The following IL27RA variants were observed in gnomAD, a reference collection of about 807,000 sequenced individuals.
The protein encoded by IL27RA is interleukin 27 receptor subunit alpha.
A neutral mutation model predicts 80.8 loss-of-function variants in IL27RA; 61 were observed. That is an observed-to-expected ratio of 0.76 (90% CI 0.61 to 0.93). The LOEUF (loss-of-function observed/expected upper bound fraction) is 0.93. IL27RA is among the 40% of genes least tolerant of loss of function. The pLI, the probability that IL27RA is intolerant of heterozygous loss-of-function variation, is 0.00. For synonymous variants in IL27RA, 316 were observed against 332.5 expected, an observed-to-expected ratio of 0.95 and a Z score of 0.54; for missense variants, 735 against 808.1, an observed-to-expected ratio of 0.91 and a Z score of 1.10.
At chr19:14,040,983 A>G (rs1975982448) in intron 4 of IL27RA, among the ~76,000 whole-genome samples, 1 of 149,274 alleles carries the variant, frequency 6.7e-6, no homozygotes, top group African/African-American at 2.5e-5. Context: ...GGCTCACTGT[A>G]ACCTCCACCA....
Position 14,031,888 on chromosome 19 carries a change from G to C in IL27RA, c.16G>C (p.Gly6Arg). The C allele has an allele frequency of 6.2e-7, 1 of 1,602,778 alleles. No individual in the cohort carries two copies. The highest frequency in any genetic ancestry group is 8.5e-7 in the Non-Finnish European group (1 of 1,175,524). The change falls in exon 1 of 14, where the codon GGC becomes CGC. Residue 6 changes from glycine to arginine, a missense_variant. Physicochemically the swap from Gly to Arg is moderately radical, Grantham distance 125. Transcript: ENST00000263379. MRGGR[G>R]APFWLWPLPK... ...GAGGGACGCCATGCGGGGAGGCAGG[G>C]GCGCCCCTTTCTGGCTGTGGCCGCT...
In IL27RA at chr19:14,046,208, C is replaced by G; in HGVS notation, c.823C>G (p.Arg275Gly). Residue 275 changes from arginine to glycine, a missense_variant, in exon 7 of 14, where the codon CGT becomes GGT. Arg to Gly is a moderately radical substitution (Grantham distance 125). Transcript: ENST00000263379. Reference protein sequence around the residue: ...SYKVWFWVGGRELSPEGITCC... With the variant: ...SYKVWFWVGGGELSPEGITCC... ...CAAAGTCTGGTTCTGGGTTGGAGGT[C>G]GTGAGCTGAGTCCAGAAGGAATTAC... The G allele has an allele frequency of 1.9e-6, 3 of 1,614,172 alleles. No individual in the cohort carries two copies. The highest frequency in any genetic ancestry group is 1.3e-5 in the African/African-American group (1 of 75,036).
intron 5 of IL27RA, 31 bp downstream of exon 5, chr19:14,042,643 C>T (rs375840149): frequency 2.2e-5 from 35 of 1,613,974 alleles, no homozygotes; most frequent in African/African-American, 1.6e-4. Flanking sequence ...CCTCAATCCA[C>T]GCCCCTCCCA....
chr19:14,046,447 C>T lies in IL27RA; in HGVS notation c.970C>T (p.Arg324Cys), dbSNP rs1366170821. The T allele has an allele frequency of 4.8e-5, 78 of 1,614,048 alleles. No individual in the cohort carries two copies. Among genetic ancestry groups the T allele is most frequent in the East Asian group, 6.7e-5 (3 of 44,878 alleles). ...CCCTCCAGATTCAGCCTCTGCCCCC[C>T]GTAGCGTGGCAGTCAGCAGCATCGC... ...LVCLDSASAP[R>C]SVAVSSIAGS... The change falls in exon 8 of 14, where the codon CGT becomes TGT. Residue 324 changes from arginine to cysteine, a missense_variant. By Grantham distance (180) the Arg-to-Cys change is radical. Transcript: ENST00000263379.
At position 14,046,444 on chromosome 19, in the gene IL27RA, C is replaced by G. The variant is rs1317497311; in HGVS notation, c.967C>G (p.Pro323Ala). The change falls in exon 8 of 14, where the codon CCC (proline) becomes GCC (alanine). Residue 323 changes from proline (P) to alanine (A), a missense_variant. Transcript: ENST00000263379. ...SLVCLDSASA[P>A]RSVAVSSIAG... ...CCACCCTCCAGATTCAGCCTCTGCC[C>G]CCCGTAGCGTGGCAGTCAGCAGCAT... The G allele has an allele frequency of 6.2e-7, 1 of 1,614,014 alleles. No individual in the cohort carries two copies. The highest frequency in any genetic ancestry group is 1.3e-5 in the African/African-American group (1 of 74,908).
chr19:14,037,507 G>A (rs1038652096), intron 2 of IL27RA, among the ~76,000 whole-genome samples: 8 of 151,820 alleles, frequency 5.3e-5, no homozygotes, highest in Non-Finnish European at 7.4e-5. Context: ...CGCCTGCCTC[G>A]GCCTCCCAAA....
chr19:14,049,090 T>A lies in IL27RA; in HGVS notation c.1243+8T>A. The A allele has an allele frequency of 6.2e-7, 1 of 1,612,930 alleles. No homozygotes were observed. The highest frequency in any genetic ancestry group is 1.1e-5 in the South Asian group (1 of 90,962). On this transcript the variant is annotated splice_region_variant and intron_variant, in intron 9 of 13. Coordinates refer to ENST00000263379, the MANE Select transcript of IL27RA (RefSeq NM_004843.4). ...GGTTCAGGGAGGAATTAGGTAAGAGTGGGGCTGGAGGATGGGGGGGCTTCT... is the reference window on the plus strand; with the variant it reads ...GGTTCAGGGAGGAATTAGGTAAGAGAGGGGCTGGAGGATGGGGGGGCTTCT...
chr19:14,032,591 C>A, intron 2 of IL27RA, 88 bp downstream of exon 2: 42 of 499,770 alleles, frequency 8.4e-5, no homozygotes, highest in Middle Eastern at 3.6e-4. Context: ...TTCCAGGAGT[C>A]AAGCCTGGCC....
chr19:14,043,680 T>C (rs1281467992), intron 6 of IL27RA, among the ~76,000 whole-genome samples: 1 of 151,388 alleles, frequency 6.6e-6, no homozygotes, highest in African/African-American at 2.4e-5. Flanking sequence ...CACCTCGGCC[T>C]CCCAAAGTGC....
intron 8 of IL27RA, among the ~76,000 whole-genome samples, chr19:14,048,364 C>T (rs1346019686): frequency 1.3e-5 from 2 of 152,082 alleles, no homozygotes; most frequent in Admixed American, 6.6e-5. Flanking sequence ...TCCCAAGACC[C>T]ACAAGGATAT....
chr19:14,038,962 G>C (rs1225184682), intron 2 of IL27RA, among the ~76,000 whole-genome samples: 7 of 151,246 alleles, frequency 4.6e-5, no homozygotes, highest in Non-Finnish European at 1.0e-4. Flanking sequence ...GAGAGGAAGG[G>C]AAGGAAAGAA....
At chr19:14,032,364 G>A (rs750879898) in intron 1 of IL27RA, 22 bp from the exon 2 acceptor site, 22 of 1,588,776 alleles carry the variant, frequency 1.4e-5, no homozygotes, top group Non-Finnish European at 1.8e-5. Flanking sequence ...CCTTTCCTGA[G>A]ACCCTCTGAC....
rs772456000 is a variant in IL27RA, at chr19:14,049,315, G to A, written c.1402+1G>A. On this transcript the variant is annotated splice_donor_variant, in intron 10 of 13. Coordinates refer to ENST00000263379, the MANE Select transcript of IL27RA (RefSeq NM_004843.4). LOFTEE classifies it high-confidence loss of function. ...ACCAGCCCCTCCGTCTGCATGAATG[G>A]TGAGCTTCCCTGCCTGCTGACCTGT... is the stretch of plus-strand genomic sequence containing the variant. 2 of 1,611,998 alleles carry A rather than the reference G, an allele frequency of 1.2e-6. No homozygotes were observed. Among genetic ancestry groups the A allele is most frequent in the Admixed American group, 3.3e-5 (2 of 59,926 alleles).
Position 14,043,008 on chromosome 19 carries a change from C to G in IL27RA, c.768+219C>G, listed in dbSNP as rs2420413. Among the ~76,000 whole-genome samples the G allele has an allele frequency of 0.33, 49,859 of 151,324 alleles. 10,573 individuals are homozygous for G. Among genetic ancestry groups the G allele is most frequent in the African/African-American group, 0.6 (24,666 of 41,086 alleles). On this transcript the variant is annotated intron_variant, in intron 6 of 13. Transcript: ENST00000263379. ...AATACAAAACTTCACGGGGAGTGGT[C>G]GTGGGCGCCTGTAATCCCAGCTACT...
At chr19:14,045,558 G>A (rs987534326) in intron 6 of IL27RA, among the ~76,000 whole-genome samples, 4 of 149,388 alleles carry the variant, frequency 2.7e-5, no homozygotes, top group East Asian at 3.9e-4. Flanking sequence ...CCGAGATGGC[G>A]CCACTGCACT....
Position 14,050,881 on chromosome 19 carries a change from C to A in IL27RA, c.1526C>A (p.Pro509Gln). Residue 509 changes from proline to glutamine, a missense_variant and splice_region_variant, in exon 11 of 14, where the codon CCA (proline) becomes CAA (glutamine). Physicochemically the swap from Pro to Gln is moderately conservative, Grantham distance 76. Coordinates refer to ENST00000263379, the MANE Select transcript of IL27RA (RefSeq NM_004843.4). ...PPGPILRLHL[P>Q]DNTLRWKVLP... The stretch of plus-strand genomic sequence containing the variant: ...GGTCCCATCCTCCGGCTTCATCTAC[C>A]AGGTAGGGGGGTTGGGATGGGATTG... The A allele has an allele frequency of 6.2e-7, 1 of 1,606,480 alleles. No homozygotes were observed. Among genetic ancestry groups the A allele is most frequent in the East Asian group, 2.2e-5 (1 of 44,652 alleles).
intron 10 of IL27RA, among the ~76,000 whole-genome samples, 154 bp from the exon 11 acceptor site, chr19:14,050,604 G>A (rs963352718): frequency 5.3e-5 from 8 of 152,046 alleles, no homozygotes; most frequent in African/African-American, 1.7e-4. Flanking sequence ...AAAGCCTCAC[G>A]GAAGAGGTGA....
intron 2 of IL27RA, among the ~76,000 whole-genome samples, chr19:14,033,741 C>T (rs992632566): frequency 4.0e-5 from 6 of 151,840 alleles, no homozygotes; most frequent in Non-Finnish European, 8.8e-5. Flanking sequence ...CCGAGGCGGG[C>T]AGATCACGAG....
At position 14,046,583 on chromosome 19, in the gene IL27RA, G is replaced by A. The variant is rs1223154660; in HGVS notation, c.1106G>A (p.Arg369Gln). Residue 369 changes from arginine to glutamine, a missense_variant, in exon 8 of 14, where the codon CGG becomes CAG. Arg to Gln is a conservative substitution (Grantham distance 43). Coordinates refer to ENST00000263379, the MANE Select transcript of IL27RA (RefSeq NM_004843.4). Reference sequence around the variant, plus strand: ...CCCCTGGAGAAACTCAACTGGGTCCGGCTTCCCCCTGGGAACCTCAGTGCT... The same window carrying A: ...CCCCTGGAGAAACTCAACTGGGTCCAGCTTCCCCCTGGGAACCTCAGTGCT... ...GDPLEKLNWV[R>Q]LPPGNLSALL... 8.1e-6 allele frequency: 13 copies of A among 1,612,124 alleles called. No homozygotes were observed. The highest frequency in any genetic ancestry group is 2.2e-5 in the East Asian group (1 of 44,888).
Sources: gnomAD v4.1 joint callset for allele counts (sites outside exome capture counted in the v4.1 genomes callset) on GRCh38, gnomAD v4.1.1 for gene constraint, MANE v1.5 for transcripts, NCBI Gene and HGNC (gene_info 2026-07-23, HGNC 2026-07-21) for gene names.